The following RPA3 variants were observed in gnomAD, a reference collection of about 807,000 sequenced individuals.
RPA3 encodes replication protein A 14 kDa subunit.
RPA3 carries 24 observed loss-of-function variants against 13.7 expected under a neutral mutation model. The observed-to-expected ratio is 1.75, with a 90% confidence interval of 1.27 to 2.46. RPA3 has a LOEUF of 2.46. RPA3 is among the 30% of genes most tolerant of loss of function. RPA3 has a pLI of 0.00. For synonymous variants in RPA3, 59 were observed against 51.2 expected (o/e 1.15, Z -0.65); for missense variants, 183 against 151.0 (o/e 1.21, Z -1.11).
chr7:7,678,409 T>TA, intron 4 of RPA3, among the ~76,000 whole-genome samples: 1 of 145,126 alleles, frequency 6.9e-6, no homozygotes, highest in Non-Finnish European at 1.5e-5. Context: ...TTCAGATATA[T>TA]AAAAAAATAT....
At chr7:7,658,914 G>C (rs569217615) in intron 4 of RPA3, among the ~76,000 whole-genome samples, 35 of 152,134 alleles carry the variant, frequency 2.3e-4, no homozygotes, top group African/African-American at 8.2e-4. Flanking sequence ...GGTAGAATTT[G>C]GCTGTGAATC....
chr7:7,663,313 AG>A (rs1785522930), intron 4 of RPA3, among the ~76,000 whole-genome samples: 1 of 151,466 alleles, frequency 6.6e-6, no homozygotes, highest in African/African-American at 2.4e-5. Context: ...ATTTTTTAAA[AG>A]TCTGAGCATA....
intron 4 of RPA3, among the ~76,000 whole-genome samples, chr7:7,677,710 G>T: frequency 8.7e-6 from 1 of 114,864 alleles, no homozygotes; most frequent in Admixed American, 1.2e-4. Flanking sequence ...GTCTCGCTCT[G>T]TCGCCCAGGC....
At chr7:7,663,198 G>T (rs1408682704) in intron 4 of RPA3, among the ~76,000 whole-genome samples, 1 of 134,918 alleles carries the variant, frequency 7.4e-6, no homozygotes, top group Admixed American at 7.8e-5. Flanking sequence ...AAAAAAGTCT[G>T]GTCTTGACCT....
At chr7:7,680,892 G>A (rs1285136422) in intron 4 of RPA3, among the ~76,000 whole-genome samples, 1 of 151,680 alleles carries the variant, frequency 6.6e-6, no homozygotes, top group Non-Finnish European at 1.5e-5. Flanking sequence ...TGTTGATTTT[G>A]TATGCCGTAA....
Position 7,640,591 on chromosome 7 carries a change from G to C in RPA3, c.-173C>G. 2 of 632,750 alleles carry C rather than the reference G, an allele frequency of 3.2e-6. No homozygotes were observed. The highest frequency in any genetic ancestry group is 5.6e-6 in the Non-Finnish European group (2 of 356,550). 39.2% of individuals were successfully genotyped at this position (632,750 alleles called of 1,614,324 possible). On this transcript the variant is annotated 5_prime_UTR_variant, in exon 5 of 8. Transcript: ENST00000223129. ...CGCAATCGCGCTGTCTCTGAAAGGG[G>C]TGGAGAAGGGGCTGGATGAGTCCGG...
chr7:7,681,207 T>C (rs1033700943), intron 4 of RPA3, among the ~76,000 whole-genome samples: 6 of 152,182 alleles, frequency 3.9e-5, no homozygotes, highest in Non-Finnish European at 7.4e-5. Flanking sequence ...GAGTAAATTA[T>C]GTTGTTTAAG....
chr7:7,665,783 T>G (rs1779434452), intron 4 of RPA3, among the ~76,000 whole-genome samples: 1 of 152,168 alleles, frequency 6.6e-6, no homozygotes, highest in Admixed American at 6.5e-5. Flanking sequence ...AATGGAATCA[T>G]ATAGTATGAA....
At chr7:7,681,545 C>G (rs1779912700) in intron 4 of RPA3, among the ~76,000 whole-genome samples, 1 of 152,170 alleles carries the variant, frequency 6.6e-6, no homozygotes, top group African/African-American at 2.4e-5. Flanking sequence ...GAAAAACATC[C>G]TTTCCCTTGT....
At chr7:7,689,993 G>T (rs1780136601) in intron 2 of RPA3, among the ~76,000 whole-genome samples, 1 of 152,124 alleles carries the variant, frequency 6.6e-6, no homozygotes, top group Non-Finnish European at 1.5e-5. Flanking sequence ...TAAGAAATTG[G>T]TTGAGGGTTT....
intron 5 of RPA3, among the ~76,000 whole-genome samples, 190 bp from the exon 6 acceptor site, chr7:7,639,334 T>G (rs200070359): frequency 0.1 from 1 of 10 alleles, no homozygotes; most frequent in Non-Finnish European, 0.17. Flanking sequence ...ACACAGTTAA[T>G]TTCTGAATTT....
chr7:7,645,442 C>G (rs986864718), intron 4 of RPA3, among the ~76,000 whole-genome samples: 6 of 152,180 alleles, frequency 3.9e-5, no homozygotes, highest in African/African-American at 1.2e-4. Context: ...CATTCAATAT[C>G]TAGTTCCATA....
intron 5 of RPA3, 181 bp downstream of exon 5, chr7:7,640,139 A>G: frequency 1.5e-6 from 1 of 646,006 alleles, no homozygotes; most frequent in Non-Finnish European, 2.7e-6. Context: ...TCCGTGCCAT[A>G]AAAGAGCGCC....
chr7:7,638,557 A>G (rs1784901330), intron 6 of RPA3: 1 of 151,996 alleles, frequency 6.6e-6, no homozygotes, highest in African/African-American at 2.4e-5. Context: ...AAAACAAAAC[A>G]AAACAAAACA....
At chr7:7,681,921 A>G in intron 4 of RPA3, among the ~76,000 whole-genome samples, 1 of 152,214 alleles carries the variant, frequency 6.6e-6, no homozygotes, top group East Asian at 1.9e-4. Context: ...AGCATGAATT[A>G]GCTTATTATG....
intron 4 of RPA3, among the ~76,000 whole-genome samples, chr7:7,662,993 T>C (rs1243007132): frequency 7.5e-6 from 1 of 133,550 alleles, no homozygotes; most frequent in African/African-American, 2.8e-5. Context: ...TTTAAAGAAG[T>C]GTGTGAGTGC....
chr7:7,681,339 A>G (rs751995134), intron 4 of RPA3, among the ~76,000 whole-genome samples: 1 of 152,182 alleles, frequency 6.6e-6, no homozygotes, highest in Non-Finnish European at 1.5e-5. Flanking sequence ...GATGGAATCA[A>G]CACATCATGA....
intron 2 of RPA3, among the ~76,000 whole-genome samples, chr7:7,711,398 A>G (rs541285862): frequency 7.9e-5 from 12 of 152,276 alleles, no homozygotes; most frequent in African/African-American, 2.9e-4. Flanking sequence ...ACTTTAGTAA[A>G]TCATGGCAAA....
rs968363726 is a variant in RPA3 at position 7,636,610 on chromosome 7, G to A, written c.*390C>T. 1.8e-5 allele frequency: 3 copies of A among 164,340 alleles called. No individual in the cohort carries two copies. Among genetic ancestry groups the A allele is most frequent in the Non-Finnish European group, 3.9e-5 (3 of 76,522 alleles). 10.2% of individuals were successfully genotyped at this position (164,340 alleles called of 1,614,324 possible). A position where few individuals can be genotyped will look rare whatever the true frequency, so the allele number is the denominator to read the frequency against. ...AGGTGAGCAAATCCTTAACACAGCT[G>A]GCCCAAGGTTTTATTTGGTAGGTCT... On this transcript the variant is annotated 3_prime_UTR_variant, in exon 8 of 8. Coordinates refer to ENST00000223129, the MANE Select transcript of RPA3 (RefSeq NM_002947.5).
Sources: allele counts gnomAD v4.1 joint callset (sites outside exome capture counted in the v4.1 genomes callset), GRCh38; gene constraint gnomAD v4.1.1; transcripts MANE v1.5; gene names NCBI Gene and HGNC (gene_info 2026-07-23, HGNC 2026-07-21).